The following PALLD variants were observed in gnomAD, a reference collection of about 807,000 sequenced individuals.
PALLD encodes the protein palladin.
Under a neutral mutation model 123.5 loss-of-function variants are expected in PALLD, and 61 were observed. The ratio of observed to expected loss-of-function variants is 0.49; its 90% CI spans 0.40 to 0.61. The LOEUF (loss-of-function observed/expected upper bound fraction) is 0.61, where lower values mean the gene tolerates loss of function less well. PALLD is among the 20% of genes least tolerant of loss of function. PALLD has a pLI of 0.00. For missense variants in PALLD, 1,273 were observed against 1,377.0 expected (o/e 0.92, Z 1.20); for synonymous variants, 465 against 496.4 (o/e 0.94, Z 0.84).
intron 2 of PALLD, among the ~76,000 whole-genome samples, chr4:168,518,002 A>T (rs996292629): frequency 6.8e-6 from 1 of 146,250 alleles, no homozygotes; most frequent in Non-Finnish European, 1.5e-5. Flanking sequence ...GATGTCTGAT[A>T]CTCTTATCAA....
At chr4:168,894,388 T>C in intron 11 of PALLD, 191 bp from the exon 12 acceptor site, 1 of 609,332 alleles carries the variant, frequency 1.6e-6, no homozygotes, top group Non-Finnish European at 2.9e-6. Context: ...ATTAGGCCAT[T>C]AGTACTAGAA....
intron 2 of PALLD, among the ~76,000 whole-genome samples, chr4:168,541,908 A>T (rs1765652775): frequency 6.6e-6 from 1 of 152,234 alleles, no homozygotes; most frequent in Admixed American, 6.5e-5. Flanking sequence ...ACTGTTCAGG[A>T]TGCCCAGAAT....
At chr4:168,523,003 C>T (rs1763700027) in intron 2 of PALLD, among the ~76,000 whole-genome samples, 1 of 151,986 alleles carries the variant, frequency 6.6e-6, no homozygotes, top group Non-Finnish European at 1.5e-5. Flanking sequence ...TAAATTAGGC[C>T]ACAGAAACAA....
At chr4:168,897,463 T>C (rs1044329208) in intron 13 of PALLD, among the ~76,000 whole-genome samples, 20 of 152,216 alleles carry the variant, frequency 1.3e-4, no homozygotes, top group African/African-American at 4.8e-4. Flanking sequence ...TTTTTTGTTT[T>C]GGAGACAGGG....
intron 15 of PALLD, among the ~76,000 whole-genome samples, chr4:168,909,171 G>T (rs190300508): frequency 1.2e-4 from 18 of 152,218 alleles, no homozygotes; most frequent in African/African-American, 4.3e-4. Flanking sequence ...TAAGAACAAC[G>T]ACATCTAAAC....
intron 10 of PALLD, among the ~76,000 whole-genome samples, chr4:168,824,447 C>T (rs1024430715): frequency 6.6e-6 from 1 of 152,118 alleles, no homozygotes; most frequent in African/African-American, 2.4e-5. Context: ...CATAGGCCAC[C>T]AGTTCCTTTG....
intron 2 of PALLD, among the ~76,000 whole-genome samples, chr4:168,546,257 T>C (rs1184069311): frequency 1.3e-5 from 2 of 151,742 alleles, no homozygotes; most frequent in African/African-American, 4.8e-5. Context: ...AAGATCAGAG[T>C]GCTCAGAACA....
chr4:168,921,492 G>A (rs1481281134), intron 17 of PALLD, 42 bp from the exon 18 acceptor site: 1 of 1,380,972 alleles, frequency 7.2e-7, no homozygotes. Context: ...ATTTCACTCT[G>A]TTTTAATACA....
At chr4:168,583,075 C>T (rs1770452809) in intron 2 of PALLD, among the ~76,000 whole-genome samples, 2 of 152,144 alleles carry the variant, frequency 1.3e-5, no homozygotes, top group African/African-American at 4.8e-5. Flanking sequence ...CTTTAACTCT[C>T]TTCTATATAT....
chr4:168,513,453 G>C (rs1363121873), intron 2 of PALLD, among the ~76,000 whole-genome samples: 9 of 152,310 alleles, frequency 5.9e-5, no homozygotes, highest in Non-Finnish European at 1.5e-5. Flanking sequence ...ATGTTAAGGG[G>C]AAAGAGATCC....
chr4:168,532,782 C>T (rs920959781), intron 2 of PALLD, among the ~76,000 whole-genome samples: 1 of 151,836 alleles, frequency 6.6e-6, no homozygotes, highest in African/African-American at 2.4e-5. Flanking sequence ...CAGTAGAATT[C>T]CATAAGAAGA....
intron 10 of PALLD, among the ~76,000 whole-genome samples, chr4:168,720,351 C>T (rs1006058351): frequency 6.6e-6 from 1 of 152,162 alleles, no homozygotes; most frequent in African/African-American, 2.4e-5. Context: ...TTAATATGCA[C>T]CAGCTTTTGT....
chr4:168,526,742 T>G (rs1379268843), intron 2 of PALLD, among the ~76,000 whole-genome samples: 1 of 152,186 alleles, frequency 6.6e-6, no homozygotes, highest in Non-Finnish European at 1.5e-5. Flanking sequence ...CAGCCTCACC[T>G]GTATGGATAA....
intron 2 of PALLD, among the ~76,000 whole-genome samples, chr4:168,627,534 A>G (rs1227009435): frequency 6.6e-6 from 1 of 152,210 alleles, no homozygotes; most frequent in African/African-American, 2.4e-5. Context: ...ATAGATAAAT[A>G]GATAGATAGA....
rs115164319 is a variant in PALLD at position 168,862,916 on chromosome 4, G to A, written c.1965-28006G>A. Among the ~76,000 whole-genome samples, 659 of 152,278 alleles carry A rather than the reference G, an allele frequency of 4.3e-3. 6 individuals carry two copies. The highest frequency in any genetic ancestry group is 0.015 in the African/African-American group (624 of 41,550). ...CATGTTGCAATATCAATAGAAGGTC[G>A]TCAAATTGCCTTCCATGAGGGAGTG... is the stretch of plus-strand genomic sequence containing the variant. On this transcript the variant is annotated intron_variant, in intron 10 of 21. Coordinates refer to ENST00000505667, the MANE Select transcript of PALLD (RefSeq NM_001166108.2).
chr4:168,628,261 G>T (rs1457135525), intron 2 of PALLD, among the ~76,000 whole-genome samples: 1 of 152,202 alleles, frequency 6.6e-6, no homozygotes, highest in Non-Finnish European at 1.5e-5. Flanking sequence ...CCAAGGGAAT[G>T]CTATGCCACA....
intron 2 of PALLD, among the ~76,000 whole-genome samples, chr4:168,634,298 A>T (rs1005318686): frequency 1.3e-5 from 2 of 152,198 alleles, no homozygotes; most frequent in African/African-American, 4.8e-5. Context: ...AATTTCCAAG[A>T]TGGGCTTCAG....
chr4:168,656,191 T>C (rs1296453679), intron 2 of PALLD, among the ~76,000 whole-genome samples: 2 of 151,734 alleles, frequency 1.3e-5, no homozygotes, highest in African/African-American at 4.8e-5. Context: ...TCTAGCTGAT[T>C]TATGTATGCA....
At chr4:168,896,281 A>G (rs915859163) in intron 12 of PALLD, among the ~76,000 whole-genome samples, 1 of 152,196 alleles carries the variant, frequency 6.6e-6, no homozygotes, top group African/African-American at 2.4e-5. Context: ...TCTATCTTAA[A>G]TGTGCTCACA....
Sources: allele counts gnomAD v4.1 joint callset (sites outside exome capture counted in the v4.1 genomes callset), GRCh38; gene constraint gnomAD v4.1.1; transcripts MANE v1.5; gene names NCBI Gene and HGNC (gene_info 2026-07-23, HGNC 2026-07-21).